The following COL3A1 variants were observed in gnomAD, a reference collection of about 807,000 sequenced individuals.
COL3A1 encodes the protein collagen type III alpha 1 chain.
In COL3A1, 46 loss-of-function variants were observed where a neutral mutation model predicts 200.9. The ratio of observed to expected loss-of-function variants is 0.23; its 90% CI spans 0.18 to 0.29. The LOEUF is 0.29. Ranked by LOEUF, COL3A1 falls within the 10% of genes least tolerant of loss-of-function variation. The pLI, the probability that COL3A1 is intolerant of heterozygous loss-of-function variation, is 1.00. For synonymous variants in COL3A1, 650 were observed against 628.0 expected (o/e 1.03, Z -0.52); for missense variants, 1,367 against 1,917.6 (o/e 0.71, Z 5.36).
At chr2:189,009,431 A>C (rs1218540831) in intron 48 of COL3A1, among the ~76,000 whole-genome samples, 1 of 152,234 alleles carries the variant, frequency 6.6e-6, no homozygotes, top group African/African-American at 2.4e-5. Flanking sequence ...ATACAGAAAA[A>C]TATAAAGACA....
chr2:188,997,466 A>G, intron 26 of COL3A1, 77 bp downstream of exon 26: 1 of 1,420,284 alleles, frequency 7.0e-7, no homozygotes, highest in Middle Eastern at 2.0e-4. Flanking sequence ...AAATTACATA[A>G]TCTCTGACAC....
rs376207711 is a variant in COL3A1 at position 189,011,711 on chromosome 2, C to T, written c.4338C>T (p.Pro1446=). ...GACTACCTATTGTAGATATTGCACC[C>T]TATGACATTGGTGGTCCTGATCAAG... ...AVRLPIVDIA[P]YDIGGPDQEF... Residue 1446 remains proline, a synonymous_variant, in exon 51 of 51, where the codon CCC becomes CCT. Coordinates refer to ENST00000304636, the MANE Select transcript of COL3A1 (RefSeq NM_000090.4). 12 of 1,613,868 alleles carry T rather than the reference C, an allele frequency of 7.4e-6. No homozygotes were observed. Among genetic ancestry groups the T allele is most frequent in the Non-Finnish European group, 1.0e-5 (12 of 1,179,906 alleles).
At position 188,991,426 on chromosome 2, in the gene COL3A1, A is replaced by T. The variant is rs989485102; in HGVS notation, c.853-61A>T. The T allele has an allele frequency of 9.1e-6, 10 of 1,093,366 alleles. No individual in the cohort carries two copies. In the African/African-American group the frequency reaches 1.3e-4, roughly 14 times the overall value. 67.7% of individuals were successfully genotyped at this position (1,093,366 alleles called of 1,614,324 possible). A position where few individuals can be genotyped will look rare whatever the true frequency, so the allele number is the denominator to read the frequency against. ...AACTTTTCCATAATATTCTGTATTTAAAAATATATAATATTTTCTTCCTCT... is the reference window on the plus strand; with the variant it reads ...AACTTTTCCATAATATTCTGTATTTTAAAATATATAATATTTTCTTCCTCT... On this transcript the variant is annotated intron_variant, in intron 11 of 50. Transcript: ENST00000304636.
Position 188,994,991 on chromosome 2 carries a change from ATGAAAAAGAAT to A in COL3A1, c.1456-49_1456-39del. 6.3e-7 allele frequency: 1 copy of A among 1,594,212 alleles called. No individual in the cohort carries two copies. The highest frequency in any genetic ancestry group is 8.6e-7 in the Non-Finnish European group (1 of 1,161,876). On this transcript the variant is annotated intron_variant, in intron 20 of 50. Transcript: ENST00000304636. The surrounding 1 kb of genome is among the most constrained non-coding windows in gnomAD (Gnocchi z 4.5). ...TAAAAATATTTGCCACTCAAGAATT[ATGAAAAAGAAT>A]TGAAATCCTTTGGACTGAAATACTT...
intron 1 of COL3A1, among the ~76,000 whole-genome samples, chr2:188,980,724 A>G (rs2153500889): frequency 6.6e-6 from 1 of 151,072 alleles, no homozygotes; most frequent in East Asian, 2.0e-4. Flanking sequence ...ACATATTTTA[A>G]GATACTCTGA....
In COL3A1 at chr2:188,992,958, T is replaced by C; in HGVS notation, c.1050+18T>C. On this transcript the variant is annotated intron_variant, in intron 15 of 50. Transcript: ENST00000304636. ...GTGCTAAGGTAAACATGTGTTTCTA[T>C]AGAAGGGTATAAAAATATCTTGGAG... 1.9e-6 allele frequency: 3 copies of C among 1,612,000 alleles called. No individual in the cohort carries two copies. The highest frequency in any genetic ancestry group is 2.7e-5 in the African/African-American group (2 of 74,978).
chr2:188,989,814 C>T (rs1688148168), intron 8 of COL3A1, among the ~76,000 whole-genome samples: 1 of 152,100 alleles, frequency 6.6e-6, no homozygotes, highest in Non-Finnish European at 1.5e-5. Context: ...AATTCAATGG[C>T]ATTCCTTCTT....
chr2:188,996,419 C>G lies in COL3A1; in HGVS notation c.1684C>G (p.Arg562Gly). The G allele has an allele frequency of 6.2e-7, 1 of 1,613,732 alleles. No homozygotes were observed. The highest frequency in any genetic ancestry group is 8.5e-7 in the Non-Finnish European group (1 of 1,179,912). Residue 562 changes from arginine to glycine, a missense_variant, in exon 24 of 51, where the codon CGA becomes GGA. By Grantham distance (125) the Arg-to-Gly change is moderately radical. Transcript: ENST00000304636. Reference sequence around the variant, plus strand: ...TTAGGGAAGTCAAGGAGAAAGTGGTCGACCAGGTCCTCCTGGGCCATCTGG... The same window carrying G: ...TTAGGGAAGTCAAGGAGAAAGTGGTGGACCAGGTCCTCCTGGGCCATCTGG... ...GPPGSQGESGRPGPPGPSGPR... is the reference protein window; with the variant it reads ...GPPGSQGESGGPGPPGPSGPR...
chr2:189,002,470 AG>A (rs1357601479), intron 35 of COL3A1, 119 bp downstream of exon 35: 4 of 865,072 alleles, frequency 4.6e-6, no homozygotes, highest in Non-Finnish European at 3.9e-6. Context: ...CATTCCCTAT[AG>A]GATTATTGTA....
intron 36 of COL3A1, 67 bp downstream of exon 36, chr2:189,003,129 C>G: frequency 8.2e-7 from 1 of 1,222,786 alleles, no homozygotes; most frequent in Non-Finnish European, 1.2e-6. Flanking sequence ...ATCTGTCTAT[C>G]TCTCCCTCTC....
rs566093809 is a variant in COL3A1 at position 188,997,112 on chromosome 2, T to C, written c.1762-53T>C. Reference sequence around the variant, plus strand: ...GACATATATATATGAGACAATAATATGATTAGTTATTGCCCTTTGAGGATT... The same window carrying C: ...GACATATATATATGAGACAATAATACGATTAGTTATTGCCCTTTGAGGATT... On this transcript the variant is annotated intron_variant, in intron 24 of 50. Coordinates refer to ENST00000304636, the MANE Select transcript of COL3A1 (RefSeq NM_000090.4). 15 of 1,447,070 alleles carry C rather than the reference T, an allele frequency of 1.0e-5. No individual in the cohort carries two copies. In the African/African-American group the frequency reaches 2.1e-4, roughly 20 times the overall value. The allele number at this position is 1,447,070 out of a possible 1,614,324, so 89.6% of individuals were successfully genotyped here.
intron 5 of COL3A1, 118 bp from the exon 6 acceptor site, chr2:188,987,963 C>T: frequency 2.5e-6 from 2 of 787,206 alleles, no homozygotes; most frequent in East Asian, 5.3e-5. Flanking sequence ...AAAAAGTTAT[C>T]AAAAGATGAG....
rs201740954 is a variant in COL3A1 at position 188,995,106 on chromosome 2, A to C, written c.1509+7A>C. 6.1e-4 allele frequency: 979 copies of C among 1,613,968 alleles called. 23 individuals are homozygous for C. In the South Asian group the frequency reaches 0.01, roughly 17 times the overall value. ...TGGCATCCCAGGAGAAAAGGTAGAT[A>C]ACTTTAGTTTCTATGTTCCTAAATG... On this transcript the variant is annotated splice_region_variant and intron_variant, in intron 21 of 50. Coordinates refer to ENST00000304636, the MANE Select transcript of COL3A1 (RefSeq NM_000090.4).
Position 188,993,339 on chromosome 2 carries a change from C to A in COL3A1, c.1051-22C>A, listed in dbSNP as rs758811944. On this transcript the variant is annotated intron_variant, in intron 15 of 50. Coordinates refer to ENST00000304636, the MANE Select transcript of COL3A1 (RefSeq NM_000090.4). ...GAGTAGAAGTGGTAAGAGAAACTGA[C>A]TACACAAGGTTTTACCATTAGGGTG... 10 of 1,547,364 alleles carry A rather than the reference C, an allele frequency of 6.5e-6. No individual in the cohort carries two copies. The South Asian group carries it at 1.2e-4, about 18-fold the overall frequency.
At position 188,991,701 on chromosome 2, in the gene COL3A1, G is replaced by A; in HGVS notation, c.930G>A (p.Arg310=). The part of the protein sequence containing the change: ...GPRGAPGERG[R]PGLPGAAGAR... ...GAGGGGCTCCTGGTGAGCGAGGACG[G>A]CCAGGACTTCCTGGGGCTGCAGTGA... Residue 310 remains arginine (R), a synonymous_variant, in exon 13 of 51, where the codon CGG becomes CGA. Coordinates refer to ENST00000304636, the MANE Select transcript of COL3A1 (RefSeq NM_000090.4). 6.2e-7 allele frequency: 1 copy of A among 1,613,964 alleles called. No homozygotes were observed. The highest frequency in any genetic ancestry group is 8.5e-7 in the Non-Finnish European group (1 of 1,179,948).
At position 188,984,878 on chromosome 2, in the gene COL3A1, A is replaced by T. The variant is rs372269408; in HGVS notation, c.198A>T (p.Ile66=). Reference sequence around the variant, plus strand: ...GATCCGTTCTCTGCGATGACATAATATGTGACGATCAAGAATTAGACTGCC... The same window carrying T: ...GATCCGTTCTCTGCGATGACATAATTTGTGACGATCAAGAATTAGACTGCC... ...DSGSVLCDDI[I]CDDQELDCPN... Residue 66 remains isoleucine, a synonymous_variant, in exon 2 of 51, where the codon ATA becomes ATT. Coordinates refer to ENST00000304636, the MANE Select transcript of COL3A1 (RefSeq NM_000090.4). The T allele has an allele frequency of 3.7e-6, 6 of 1,613,256 alleles. No individual in the cohort carries two copies. Among genetic ancestry groups the T allele is most frequent in the Non-Finnish European group, 4.2e-6 (5 of 1,179,444 alleles).
At chr2:189,004,704 T>C (rs1424070866) in intron 40 of COL3A1, among the ~76,000 whole-genome samples, 2 of 152,190 alleles carry the variant, frequency 1.3e-5, no homozygotes, top group East Asian at 3.9e-4. Context: ...TTATAGATCT[T>C]GGAAAGTCTT....
chr2:188,998,625 A>G (rs774351432), intron 28 of COL3A1, 49 bp from the exon 29 acceptor site: 1 of 1,568,992 alleles, frequency 6.4e-7, no homozygotes, highest in South Asian at 1.1e-5. Flanking sequence ...TTATATTTAC[A>G]TAAAATGCAC....
At chr2:188,983,664 G>A (rs529932116) in intron 1 of COL3A1, among the ~76,000 whole-genome samples, 2 of 151,946 alleles carry the variant, frequency 1.3e-5, no homozygotes, top group South Asian at 4.1e-4. Flanking sequence ...TCGGTAGCAG[G>A]CCTCTTTCAA....
Sources: allele counts gnomAD v4.1 joint callset (sites outside exome capture counted in the v4.1 genomes callset), GRCh38; gene constraint gnomAD v4.1.1; non-coding constraint Gnocchi (gnomAD v3.1); transcripts MANE v1.5; gene names NCBI Gene and HGNC (gene_info 2026-07-23, HGNC 2026-07-21).